CFAP43: variants seen among roughly 807,000 people sequenced by gnomAD.
CFAP43 encodes cilia and flagella associated protein 43.
In CFAP43, 155 loss-of-function variants were observed where a neutral mutation model predicts 218.9. The observed-to-expected ratio is 0.71, with a 90% CI of 0.62 to 0.81. The LOEUF (loss-of-function observed/expected upper bound fraction) is 0.81, where lower values mean the gene tolerates loss of function less well. Among genes scored for constraint, CFAP43 ranks in the 30% least tolerant of loss-of-function variants. CFAP43 has a pLI of 0.00. For missense variants in CFAP43, 1,778 were observed against 1,954.3 expected (o/e 0.91, Z 1.70); for synonymous variants, 645 against 681.3 (o/e 0.95, Z 0.83).
At chr10:104,166,372 T>A in intron 23 of CFAP43, 116 bp downstream of exon 23, 3 of 759,626 alleles carry the variant, frequency 3.9e-6, no homozygotes, top group Non-Finnish European at 6.3e-6. Context: ...GTGCCCAGCC[T>A]CCTCTATGTA....
chr10:104,230,990 G>T, intron 1 of CFAP43, 147 bp from the exon 2 acceptor site: 1 of 891,114 alleles, frequency 1.1e-6, no homozygotes, highest in Non-Finnish European at 1.6e-6. Context: ...GAACACACAT[G>T]CTGGCTGTGA....
Position 104,143,565 on chromosome 10 carries a change from A to C in CFAP43, c.4019T>G (p.Leu1340Trp), listed in dbSNP as rs1338939438. The C allele has an allele frequency of 1.2e-6, 2 of 1,614,174 alleles. No homozygotes were observed. Among genetic ancestry groups the C allele is most frequent in the South Asian group, 1.1e-5 (1 of 91,088 alleles). ...TAACTGGGCAAAGGCATCCTTATTC[A>C]ACTTGCCAGATCCTGGTAGTTCTCC... Reference protein sequence around the residue: ...PFGELPGSGKLNKDAFAQLMK... With the variant: ...PFGELPGSGKWNKDAFAQLMK... Residue 1340 changes from leucine to tryptophan, a missense_variant, in exon 32 of 38, where the codon TTG becomes TGG. By Grantham distance (61) the Leu-to-Trp change is moderately conservative (BLOSUM62 -2). Coordinates refer to ENST00000357060, the MANE Select transcript of CFAP43 (RefSeq NM_025145.7).
At position 104,176,230 on chromosome 10, in the gene CFAP43, C is replaced by T. The variant is rs909037454; in HGVS notation, c.2460+2799G>A. ...CCAGGGATTGATAGAGAAGACATTGCAAATCAGCAGAGAAAGGATAGTATA... is the reference window on the plus strand; with the variant it reads ...CCAGGGATTGATAGAGAAGACATTGTAAATCAGCAGAGAAAGGATAGTATA... On this transcript the variant is annotated intron_variant, in intron 19 of 37. Transcript: ENST00000357060. Among the ~76,000 whole-genome samples the T allele has an allele frequency of 1.1e-4, 17 of 151,956 alleles. 1 individual carries two copies. Among genetic ancestry groups the T allele is most frequent in the Admixed American group, 1.1e-3 (17 of 15,258 alleles).
chr10:104,161,228 C>CA (rs1312140742), intron 26 of CFAP43, 66 bp from the exon 27 acceptor site: 7 of 1,516,992 alleles, frequency 4.6e-6, no homozygotes, highest in East Asian at 4.6e-5. Flanking sequence ...AGTAAAAGCT[C>CA]AGAGTTTTTT....
intron 15 of CFAP43, 96 bp downstream of exon 15, chr10:104,185,878 T>C (rs1378966970): frequency 2.9e-6 from 3 of 1,047,602 alleles, no homozygotes; most frequent in Admixed American, 5.9e-5. Context: ...AGAGTTTTTA[T>C]GCATATATAA....
chr10:104,211,793 T>C (rs967922672), intron 5 of CFAP43, among the ~76,000 whole-genome samples: 1 of 152,188 alleles, frequency 6.6e-6, no homozygotes, highest in African/African-American at 2.4e-5. Flanking sequence ...CTGGGCCCCC[T>C]GTCTCTGTTA....
chr10:104,154,000 T>C (rs2088412804), intron 27 of CFAP43, among the ~76,000 whole-genome samples: 1 of 152,198 alleles, frequency 6.6e-6, no homozygotes, highest in Non-Finnish European at 1.5e-5. Flanking sequence ...GTTATGTCCT[T>C]CTGTGACTAC....
At chr10:104,174,956 G>T (rs951940086) in intron 19 of CFAP43, among the ~76,000 whole-genome samples, 3 of 151,996 alleles carry the variant, frequency 2.0e-5, no homozygotes, top group Non-Finnish European at 4.4e-5. Flanking sequence ...TCGGGAGGCT[G>T]AGGCAGGAGA....
chr10:104,193,858 G>A lies in CFAP43; in HGVS notation c.1442+8C>T, dbSNP rs759909663. ...ACGGAGCCGCTCCTGGAGGCAGAAAGGACTTACACGACGTGCTGCACGGAC... is the reference window on the plus strand; with the variant it reads ...ACGGAGCCGCTCCTGGAGGCAGAAAAGACTTACACGACGTGCTGCACGGAC... On this transcript the variant is annotated splice_region_variant and intron_variant, in intron 11 of 37. Transcript: ENST00000357060. The A allele has an allele frequency of 2.5e-6, 4 of 1,613,048 alleles. No individual in the cohort carries two copies. The highest frequency in any genetic ancestry group is 3.4e-6 in the Non-Finnish European group (4 of 1,179,448).
In CFAP43 at chr10:104,198,143, G is replaced by T. The variant is rs191622362; in HGVS notation, c.1096-105C>A. ...GTAACCAAGGCTCTATGTGGAAACAGAATATGGGAAATCACAGATCAACTC... is the reference window on the plus strand; with the variant it reads ...GTAACCAAGGCTCTATGTGGAAACATAATATGGGAAATCACAGATCAACTC... On this transcript the variant is annotated intron_variant, in intron 8 of 37. Coordinates refer to ENST00000357060, the MANE Select transcript of CFAP43 (RefSeq NM_025145.7). 1.7e-5 allele frequency: 11 copies of T among 632,964 alleles called. No homozygotes were observed. In the Admixed American group the frequency reaches 3.0e-4, roughly 17 times the overall value. The allele number at this position is 632,964 out of a possible 1,614,324, so 39.2% of individuals were successfully genotyped here.
intron 8 of CFAP43, among the ~76,000 whole-genome samples, chr10:104,199,645 T>G (rs961413768): frequency 7.1e-6 from 1 of 141,218 alleles, no homozygotes; most frequent in African/African-American, 2.6e-5. Flanking sequence ...GAGAACATTA[T>G]ATAGCAAAAT....
chr10:104,229,123 A>G (rs1243978067), intron 2 of CFAP43, among the ~76,000 whole-genome samples: 1 of 152,236 alleles, frequency 6.6e-6, no homozygotes, highest in African/African-American at 2.4e-5. Flanking sequence ...TGAATGGGTT[A>G]TGTTTTGAAA....
At chr10:104,169,627 G>T (rs952728335) in intron 20 of CFAP43, among the ~76,000 whole-genome samples, 5 of 151,558 alleles carry the variant, frequency 3.3e-5, no homozygotes, top group Non-Finnish European at 7.4e-5. Context: ...ACTTCATTTT[G>T]TTGGCAGAAT....
intron 1 of CFAP43, among the ~76,000 whole-genome samples, chr10:104,231,503 A>G (rs1438182699): frequency 2.0e-5 from 3 of 152,182 alleles, no homozygotes; most frequent in Admixed American, 2.0e-4. Context: ...TTCTATTTTT[A>G]TTTAAATATT....
chr10:104,184,354 G>A (rs1187670865), intron 16 of CFAP43, among the ~76,000 whole-genome samples: 2 of 152,100 alleles, frequency 1.3e-5, no homozygotes, highest in Non-Finnish European at 2.9e-5. Flanking sequence ...ACATGTATAT[G>A]TCAGGGATAA....
intron 28 of CFAP43, among the ~76,000 whole-genome samples, chr10:104,150,363 C>T (rs1410361380): frequency 6.6e-6 from 1 of 152,174 alleles, no homozygotes; most frequent in Non-Finnish European, 1.5e-5. Flanking sequence ...AGCCCCTTTC[C>T]CAAGGCTACA....
chr10:104,186,196 A>C (rs2090023274), intron 14 of CFAP43, 73 bp from the exon 15 acceptor site: 2 of 1,232,916 alleles, frequency 1.6e-6, no homozygotes, highest in East Asian at 2.7e-5. Flanking sequence ...GCAGATATAC[A>C]TGCCTGTTGT....
In CFAP43 at chr10:104,230,689, T is replaced by G. The variant is rs369697790; in HGVS notation, c.220A>C (p.Asn74His). 1.7e-5 allele frequency: 28 copies of G among 1,613,974 alleles called. No individual in the cohort carries two copies. In the African/African-American group the frequency reaches 3.2e-4, roughly 18 times the overall value. Residue 74 changes from asparagine (N) to histidine (H), a missense_variant, in exon 2 of 38, where the codon AAC becomes CAC. This residue lies in a region of CFAP43 where 1,553 missense variants were observed against 1,685.2 expected (regional missense o/e 0.92). Transcript: ENST00000357060. ...SNGIVGVMAT[N>H]IPCEVVAFSD... is the part of the protein sequence containing the mutation. The stretch of plus-strand genomic sequence containing the variant: ...AAAGCCACAACTTCACAGGGGATGT[T>G]AGTTGCCATGACGCCCACAATTCCA...
At chr10:104,162,097 G>A in intron 25 of CFAP43, 56 bp from the exon 26 acceptor site, 2 of 1,564,560 alleles carry the variant, frequency 1.3e-6, no homozygotes, top group South Asian at 1.2e-5. Context: ...GACATTCCAG[G>A]TGGCTCCAGA....
Sources: allele counts gnomAD v4.1 joint callset (sites outside exome capture counted in the v4.1 genomes callset), GRCh38; gene constraint gnomAD v4.1.1; regional missense constraint gnomAD v4.1.1; transcripts MANE v1.5; gene names NCBI Gene and HGNC (gene_info 2026-07-23, HGNC 2026-07-21).